SIM2: variants seen among roughly 807,000 people sequenced by gnomAD.
SIM2 encodes the protein SIM bHLH transcription factor 2, also known as single-minded homolog 2.
In SIM2, 28 loss-of-function variants were observed where a neutral mutation model predicts 64.8. The ratio of observed to expected loss-of-function variants is 0.43; its 90% CI spans 0.32 to 0.59. The LOEUF (loss-of-function observed/expected upper bound fraction) is 0.59. Ranked by LOEUF, SIM2 falls within the 20% of genes least tolerant of loss-of-function variation. The pLI, the probability that SIM2 is intolerant of heterozygous loss-of-function variation, is 0.07. For missense variants in SIM2, 847 were observed against 871.4 expected (o/e 0.97, Z 0.35); for synonymous variants, 408 against 391.1 (o/e 1.04, Z -0.51).
rs1181460821 is a variant in SIM2, at chr21:36,740,059, G to GAAAGAAAGAAAGAA, written c.851-1657_851-1656insAAGAAAGAAAGAAA. Reference sequence around the variant, plus strand: ...AGAAAGAAAGAAAGAAAGAAAGAAAGAGAAAATGCCACTCACCATAGATTA... The same window carrying GAAAGAAAGAAAGAA: ...AGAAAGAAAGAAAGAAAGAAAGAAAGAAAGAAAGAAAGAAAGAAAATGCCACTCACCATAGATTA... On this transcript the variant is annotated intron_variant, in intron 7 of 10. Coordinates refer to ENST00000290399, the MANE Select transcript of SIM2 (RefSeq NM_005069.6). 9.7e-4 allele frequency among the ~76,000 whole-genome samples: 132 copies of GAAAGAAAGAAAGAA among 136,330 alleles called. 1 individual carries two copies. Among genetic ancestry groups the GAAAGAAAGAAAGAA allele is most frequent in the African/African-American group, 3.5e-3 (129 of 37,122 alleles). The allele number at this position is 136,330 out of a possible 152,430, so 89.4% of individuals were successfully genotyped here.
chr21:36,741,941 ATCTCTCTT>A (rs905199623), intron 8 of SIM2, 77 bp downstream of exon 8: 8 of 1,325,034 alleles, frequency 6.0e-6, no homozygotes, highest in Middle Eastern at 3.7e-4. Flanking sequence ...AATAAGCACC[ATCTCTCTT>A]TCTCTCTTTC....
chr21:36,742,573 G>T (rs961445324), intron 8 of SIM2, among the ~76,000 whole-genome samples: 14 of 152,066 alleles, frequency 9.2e-5, no homozygotes, highest in Non-Finnish European at 1.5e-5. Flanking sequence ...ATACTTTTAA[G>T]GCCATTAGAA....
chr21:36,726,364 C>A lies in SIM2; in HGVS notation c.743+46C>A, dbSNP rs2088891729. 6.5e-7 allele frequency: 1 copy of A among 1,549,164 alleles called. No individual in the cohort carries two copies. Among genetic ancestry groups the A allele is most frequent in the Non-Finnish European group, 8.8e-7 (1 of 1,134,176 alleles). The stretch of plus-strand genomic sequence containing the variant: ...AGTGGCTGTGGCCTTCTGGAAGACA[C>A]CGGTGGTGGAAATGGGTCCCTGAAA... On this transcript the variant is annotated intron_variant, in intron 6 of 10. Coordinates refer to ENST00000290399, the MANE Select transcript of SIM2 (RefSeq NM_005069.6). This position sits in a 1 kb window ranked among gnomAD's most constrained non-coding sequence, Gnocchi z 4.5.
At chr21:36,724,811 G>T (rs996503434) in intron 5 of SIM2, among the ~76,000 whole-genome samples, 2 of 152,184 alleles carry the variant, frequency 1.3e-5, no homozygotes, top group African/African-American at 4.8e-5. Flanking sequence ...TTGTCATGAT[G>T]ATATTGACCC....
intron 3 of SIM2, among the ~76,000 whole-genome samples, chr21:36,719,260 G>T (rs1343147002): frequency 6.6e-6 from 1 of 152,264 alleles, no homozygotes; most frequent in African/African-American, 2.4e-5. Flanking sequence ...AGCGCCTGAG[G>T]GGCACAGCTC....
At chr21:36,734,902 G>A (rs1008256610) in intron 7 of SIM2, among the ~76,000 whole-genome samples, 3 of 152,162 alleles carry the variant, frequency 2.0e-5, no homozygotes, top group Non-Finnish European at 4.4e-5. Context: ...CCAGGGCTGG[G>A]TGGCACCTGT....
intron 8 of SIM2, among the ~76,000 whole-genome samples, chr21:36,742,262 C>A (rs1056443036): frequency 6.6e-6 from 1 of 152,096 alleles, no homozygotes; most frequent in Non-Finnish European, 1.5e-5. Context: ...GCCTTTAGGT[C>A]ATCTTAGATG....
chr21:36,730,248 G>A (rs1308892019), intron 6 of SIM2, among the ~76,000 whole-genome samples: 1 of 152,184 alleles, frequency 6.6e-6, no homozygotes, highest in Non-Finnish European at 1.5e-5. Flanking sequence ...ACAGAGGGAT[G>A]GAGGAACCAA....
At chr21:36,722,933 A>C in intron 4 of SIM2, 112 bp from the exon 5 acceptor site, 2 of 814,816 alleles carry the variant, frequency 2.5e-6, no homozygotes, top group Non-Finnish European at 4.3e-6. Flanking sequence ...GGGCACACTG[A>C]GAAGGCCTCT....
At chr21:36,732,396 G>A (rs1036545600) in intron 7 of SIM2, among the ~76,000 whole-genome samples, 2 of 152,228 alleles carry the variant, frequency 1.3e-5, no homozygotes, top group South Asian at 4.1e-4. Flanking sequence ...GGACGTTAGA[G>A]GACAGGTTGC....
rs139904776 is a variant in SIM2, at chr21:36,731,439, G to A, written c.850+288G>A. Among the ~76,000 whole-genome samples, 13 of 152,298 alleles carry A rather than the reference G, an allele frequency of 8.5e-5. No individual in the cohort carries two copies. In the East Asian group the frequency reaches 2.5e-3, roughly 29 times the overall value. ...TGTGGAACCTAAACTCTGTGATCTG[G>A]ACACCATTTGCGAATAACAGCAACA... On this transcript the variant is annotated intron_variant, in intron 7 of 10. Transcript: ENST00000290399.
Position 36,745,148 on chromosome 21 carries a change from C to A in SIM2, c.1576+12C>A. On this transcript the variant is annotated intron_variant, in intron 10 of 10. Coordinates refer to ENST00000290399, the MANE Select transcript of SIM2 (RefSeq NM_005069.6). The surrounding 1 kb of genome is among the most constrained non-coding windows in gnomAD (Gnocchi z 4.8). The stretch of plus-strand genomic sequence containing the variant: ...GCCAAGCTACGAAGGTGGGTCAGGT[C>A]TGCTCGTGGGGAAGGTGGGAGGACT... The A allele has an allele frequency of 6.2e-7, 1 of 1,603,294 alleles. No homozygotes were observed. The highest frequency in any genetic ancestry group is 1.1e-5 in the South Asian group (1 of 89,348).
intron 7 of SIM2, among the ~76,000 whole-genome samples, chr21:36,733,392 T>C (rs1026330270): frequency 9.2e-5 from 14 of 151,800 alleles, no homozygotes; most frequent in East Asian, 1.9e-4. Flanking sequence ...GCCTGGCTAA[T>C]TTTTTTAGTT....
At chr21:36,713,724 T>C (rs1396993380) in intron 3 of SIM2, among the ~76,000 whole-genome samples, 1 of 152,262 alleles carries the variant, frequency 6.6e-6, no homozygotes, top group African/African-American at 2.4e-5. Flanking sequence ...GTATTCCTTT[T>C]ATTTTTCTGC....
intron 8 of SIM2, among the ~76,000 whole-genome samples, chr21:36,742,977 T>C (rs143869151): frequency 6.6e-6 from 1 of 152,270 alleles, no homozygotes; most frequent in African/African-American, 2.4e-5. Context: ...CCCAGACCTG[T>C]GAAGAGTCCC....
chr21:36,708,887 C>A (rs1338234216), intron 1 of SIM2, among the ~76,000 whole-genome samples: 2 of 152,246 alleles, frequency 1.3e-5, no homozygotes, highest in East Asian at 1.9e-4. Context: ...GCCATGAGCA[C>A]GTGGGCGACC....
intron 1 of SIM2, among the ~76,000 whole-genome samples, chr21:36,706,301 C>T (rs535041936): frequency 7.2e-5 from 11 of 152,312 alleles, no homozygotes; most frequent in African/African-American, 2.6e-4. Flanking sequence ...CCCTGACTTC[C>T]AACAGCACAG....
chr21:36,729,517 T>C lies in SIM2; in HGVS notation c.744-1528T>C, dbSNP rs868170374. On this transcript the variant is annotated intron_variant, in intron 6 of 10. Coordinates refer to ENST00000290399, the MANE Select transcript of SIM2 (RefSeq NM_005069.6). ...ATTTACGACCCAAAGCTTGAGCAGATCTTAACAGAAAGGGAAGCGGGTTAA... is the reference window on the plus strand; with the variant it reads ...ATTTACGACCCAAAGCTTGAGCAGACCTTAACAGAAAGGGAAGCGGGTTAA... Among the ~76,000 whole-genome samples, 38 of 152,206 alleles carry C rather than the reference T, an allele frequency of 2.5e-4. No individual in the cohort carries two copies. The Middle Eastern group carries it at 0.014, about 54-fold the overall frequency.
In SIM2 at chr21:36,745,575, G is replaced by A. The variant is rs537547021; in HGVS notation, c.1576+439G>A. On this transcript the variant is annotated intron_variant, in intron 10 of 10. Coordinates refer to ENST00000290399, the MANE Select transcript of SIM2 (RefSeq NM_005069.6). This position sits in a 1 kb window ranked among gnomAD's most constrained non-coding sequence, Gnocchi z 4.8. ...ATTTTCCCATGCCAGTTTTGGAAGT[G>A]GGGAAAACTATGGTGGAAATTTGTG... The A allele has an allele frequency of 2.7e-6, 3 of 1,115,682 alleles. No individual in the cohort carries two copies. Among genetic ancestry groups the A allele is most frequent in the African/African-American group, 3.2e-5 (2 of 61,856 alleles). The allele number at this position is 1,115,682 out of a possible 1,614,324, so 69.1% of individuals were successfully genotyped here.
Sources: allele counts gnomAD v4.1 joint callset (sites outside exome capture counted in the v4.1 genomes callset), GRCh38; gene constraint gnomAD v4.1.1; non-coding constraint Gnocchi (gnomAD v3.1); transcripts MANE v1.5; gene names NCBI Gene and HGNC (gene_info 2026-07-23, HGNC 2026-07-21).